SPAG16: variants seen among roughly 807,000 people sequenced by gnomAD.
SPAG16 encodes the protein sperm associated antigen 16.
In SPAG16, 86 loss-of-function variants were observed where a neutral mutation model predicts 80.4. That is an observed-to-expected ratio of 1.07 (90% CI 0.90 to 1.28). SPAG16 has a LOEUF of 1.28. SPAG16 is among the 50% of genes most tolerant of loss of function. The pLI, the probability that SPAG16 is intolerant of heterozygous loss-of-function variation, is 0.00. For synonymous variants in SPAG16, 294 were observed against 265.9 expected (o/e 1.11, Z -1.03); for missense variants, 870 against 765.3 (o/e 1.14, Z -1.61).
At chr2:214,229,190 G>A (rs1912179) in intron 15 of SPAG16, among the ~76,000 whole-genome samples, 109,143 of 135,386 alleles carry the variant, frequency 0.81, 42,087 homozygotes, top group South Asian at 0.88. Context: ...ATAGAAGAAA[G>A]TATATAAAGG....
At chr2:214,238,811 T>A (rs895748242) in intron 15 of SPAG16, 2 of 151,940 alleles carry the variant, frequency 1.3e-5, no homozygotes, top group Non-Finnish European at 2.9e-5. Context: ...ACATCTTTGT[T>A]CACTACAACA....
At chr2:214,153,801 TATAAAC>T (rs2125582882) in intron 15 of SPAG16, among the ~76,000 whole-genome samples, 1 of 152,310 alleles carries the variant, frequency 6.6e-6, no homozygotes, top group East Asian at 1.9e-4. Flanking sequence ...TAAGTCAAGA[TATAAAC>T]ATATAGGAAT....
chr2:214,046,178 A>G (rs2049316008), intron 13 of SPAG16, among the ~76,000 whole-genome samples: 1 of 152,174 alleles, frequency 6.6e-6, no homozygotes, highest in Admixed American at 6.5e-5. Context: ...AAACAGACCA[A>G]TAACAAGTAT....
chr2:213,430,339 C>A (rs1157612654), intron 9 of SPAG16, among the ~76,000 whole-genome samples: 1 of 152,176 alleles, frequency 6.6e-6, no homozygotes, highest in Non-Finnish European at 1.5e-5. Context: ...TTGAGAAGTA[C>A]AGGATTACTT....
At chr2:213,687,724 T>C (rs2125283929) in intron 10 of SPAG16, among the ~76,000 whole-genome samples, 1 of 152,350 alleles carries the variant, frequency 6.6e-6, no homozygotes, top group East Asian at 1.9e-4. Flanking sequence ...TAATGTATCT[T>C]GACATAGTTT....
intron 13 of SPAG16, among the ~76,000 whole-genome samples, chr2:214,054,086 T>C (rs1277493207): frequency 2.0e-5 from 3 of 152,122 alleles, no homozygotes; most frequent in Admixed American, 6.6e-5. Context: ...CTCGGCTCAC[T>C]GAAACCTCCG....
chr2:213,960,990 G>A (rs903402661), intron 12 of SPAG16, among the ~76,000 whole-genome samples: 2 of 152,104 alleles, frequency 1.3e-5, no homozygotes, highest in Admixed American at 6.6e-5. Flanking sequence ...CATAAGCTAC[G>A]GACAAGCTGC....
At chr2:214,311,166 C>G (rs114652710) in intron 15 of SPAG16, among the ~76,000 whole-genome samples, 1 of 152,100 alleles carries the variant, frequency 6.6e-6, no homozygotes. Context: ...TCCTCTGTTC[C>G]GAGGAGCGCT....
At chr2:214,357,358 C>T (rs1188617210) in intron 15 of SPAG16, among the ~76,000 whole-genome samples, 1 of 151,944 alleles carries the variant, frequency 6.6e-6, no homozygotes, top group Non-Finnish European at 1.5e-5. Flanking sequence ...CCACTTCACA[C>T]TATTCTCCTT....
intron 10 of SPAG16, among the ~76,000 whole-genome samples, chr2:213,742,964 T>C (rs1270476452): frequency 1.3e-5 from 2 of 151,780 alleles, no homozygotes; most frequent in East Asian, 2.0e-4. Flanking sequence ...AGTGCAGTGG[T>C]GAGATCTCCA....
intron 13 of SPAG16, among the ~76,000 whole-genome samples, chr2:214,062,344 A>G (rs1272317388): frequency 6.9e-6 from 1 of 144,752 alleles, no homozygotes; most frequent in Admixed American, 7.1e-5. Flanking sequence ...TCTTGAACCC[A>G]GTAGGCAGAG....
chr2:213,284,946 C>T (rs1015790413), intron 1 of SPAG16, among the ~76,000 whole-genome samples: 4 of 152,168 alleles, frequency 2.6e-5, no homozygotes, highest in Non-Finnish European at 5.9e-5. Flanking sequence ...TTCAACCCTC[C>T]TTTCAAATAA....
intron 10 of SPAG16, among the ~76,000 whole-genome samples, chr2:213,611,385 A>G (rs1414150555): frequency 6.6e-6 from 1 of 152,188 alleles, no homozygotes; most frequent in Non-Finnish European, 1.5e-5. Flanking sequence ...ATGTGATTTT[A>G]TATTTAGGAA....
chr2:214,321,116 CA>C (rs1170239794), intron 15 of SPAG16, among the ~76,000 whole-genome samples: 1 of 151,660 alleles, frequency 6.6e-6, no homozygotes, highest in Non-Finnish European at 1.5e-5. Context: ...TTTTTCTTCC[CA>C]GGAAAAAAGA....
chr2:213,658,962 G>C (rs2063322913), intron 10 of SPAG16, among the ~76,000 whole-genome samples: 1 of 152,116 alleles, frequency 6.6e-6, no homozygotes, highest in African/African-American at 2.4e-5. Flanking sequence ...CTTGCACCCG[G>C]GAGGCAGAGG....
intron 10 of SPAG16, among the ~76,000 whole-genome samples, chr2:213,554,820 A>T (rs2059377315): frequency 6.6e-6 from 1 of 152,012 alleles, no homozygotes; most frequent in South Asian, 2.1e-4. Context: ...AAAGAAAAAA[A>T]ATTAATGAAG....
intron 15 of SPAG16, among the ~76,000 whole-genome samples, chr2:214,388,616 T>C (rs1405009523): frequency 6.6e-6 from 1 of 152,224 alleles, no homozygotes; most frequent in African/African-American, 2.4e-5. Context: ...CATCCACGCA[T>C]GTGTCTGATC....
chr2:213,290,928 G>C (rs916323108), intron 1 of SPAG16, among the ~76,000 whole-genome samples: 48 of 152,266 alleles, frequency 3.2e-4, no homozygotes, highest in African/African-American at 1.0e-3. Context: ...GGGCCAAGGG[G>C]ATTGATATCT....
At position 213,477,804 on chromosome 2, in the gene SPAG16, T is replaced by C. The variant is rs755707286; in HGVS notation, c.943-12159T>C. Among the ~76,000 whole-genome samples the C allele has an allele frequency of 1.8e-4, 28 of 152,172 alleles. 1 individual carries two copies. Among genetic ancestry groups the C allele is most frequent in the Non-Finnish European group, 3.5e-4 (24 of 68,020 alleles). ...AATGAATTAAGACTTTGGGGGACTG[T>C]GGGAAGGTATCATTGGTTTTGAAAT... On this transcript the variant is annotated intron_variant, in intron 9 of 15. Coordinates refer to ENST00000331683, the MANE Select transcript of SPAG16 (RefSeq NM_024532.5).
Sources: gnomAD v4.1 joint callset for allele counts (sites outside exome capture counted in the v4.1 genomes callset) on GRCh38, gnomAD v4.1.1 for gene constraint, MANE v1.5 for transcripts, NCBI Gene and HGNC (gene_info 2026-07-23, HGNC 2026-07-21) for gene names.